RERG: variants seen among roughly 807,000 people sequenced by gnomAD.
The protein encoded by RERG is RAS like estrogen regulated growth inhibitor, also known as ras-related and estrogen-regulated growth inhibitor.
A neutral mutation model predicts 23.2 loss-of-function variants in RERG; 25 were observed. The observed-to-expected ratio is 1.08, with a 90% CI of 0.79 to 1.50. RERG has a LOEUF of 1.50. RERG is among the 40% of genes most tolerant of loss of function. RERG has a pLI of 0.00. For missense variants in RERG, 253 were observed against 250.1 expected (o/e 1.01, Z -0.08); for synonymous variants, 81 against 89.1 (o/e 0.91, Z 0.51).
chr12:15,157,381 A>G (rs1864537923), intron 2 of RERG, among the ~76,000 whole-genome samples: 1 of 152,230 alleles, frequency 6.6e-6, no homozygotes, highest in African/African-American at 2.4e-5. Context: ...AAATGTCAAG[A>G]GGGACGTGCA....
rs1864741051 is a variant in RERG at position 15,169,323 on chromosome 12, A to C, written c.61+48106T>G. On this transcript the variant is annotated intron_variant, in intron 2 of 4. Coordinates refer to ENST00000256953, the MANE Select transcript of RERG (RefSeq NM_032918.3). Reference sequence around the variant, plus strand: ...GGTGTGTCTGTGAGGCTGTTTCCAGAGAGATTAGCATTTGAATTGATAGAC... The same window carrying C: ...GGTGTGTCTGTGAGGCTGTTTCCAGCGAGATTAGCATTTGAATTGATAGAC... Among the ~76,000 whole-genome samples, 3 of 152,182 alleles carry C rather than the reference A, an allele frequency of 2.0e-5. No homozygotes were observed. The South Asian group carries it at 6.2e-4, about 31-fold the overall frequency.
At chr12:15,161,170 G>GAAAGAAAGAAAGAA (rs1477069856) in intron 2 of RERG, among the ~76,000 whole-genome samples, 1 of 133,060 alleles carries the variant, frequency 7.5e-6, no homozygotes. Flanking sequence ...AAGAAAGAAA[G>GAAAGAAAGAAAGAA]AAAGAAAGAA....
intron 2 of RERG, among the ~76,000 whole-genome samples, chr12:15,202,378 G>T (rs1257463271): frequency 6.6e-6 from 1 of 151,716 alleles, no homozygotes; most frequent in Admixed American, 6.6e-5. Flanking sequence ...GCACTTTGTT[G>T]TAAAGCAGAT....
chr12:15,191,941 G>C (rs1358925488), intron 2 of RERG, among the ~76,000 whole-genome samples: 1 of 152,086 alleles, frequency 6.6e-6, no homozygotes, highest in Non-Finnish European at 1.5e-5. Flanking sequence ...TGATTGCTGA[G>C]CTGCTGTTGA....
chr12:15,179,644 C>A (rs1303324838), intron 2 of RERG, among the ~76,000 whole-genome samples: 2 of 152,152 alleles, frequency 1.3e-5, no homozygotes, highest in African/African-American at 4.8e-5. Context: ...CATGTAACAT[C>A]TAAAAATATA....
intron 2 of RERG, among the ~76,000 whole-genome samples, chr12:15,138,946 G>A (rs563449433): frequency 7.1e-6 from 1 of 141,306 alleles, no homozygotes; most frequent in Non-Finnish European, 1.5e-5. Flanking sequence ...TTACAGTTTT[G>A]CATTTTACAT....
chr12:15,119,842 T>A (rs1863799325), intron 3 of RERG, among the ~76,000 whole-genome samples: 1 of 152,220 alleles, frequency 6.6e-6, no homozygotes, highest in South Asian at 2.1e-4. Flanking sequence ...GTCATATTAT[T>A]ACAGAGTTTC....
Position 15,196,519 on chromosome 12 carries a change from G to A in RERG, c.61+20910C>T, listed in dbSNP as rs1367907434. 1.3e-5 allele frequency among the ~76,000 whole-genome samples: 2 copies of A among 152,092 alleles called. 1 individual carries two copies. Among genetic ancestry groups the A allele is most frequent in the Non-Finnish European group, 2.9e-5 (2 of 68,002 alleles). ...CAACCGTGTTCAACGTCTAAGCCCT[G>A]GTATGAAGGTCAATCAGGTCCTCAG... On this transcript the variant is annotated intron_variant, in intron 2 of 4. Transcript: ENST00000256953.
intron 2 of RERG, among the ~76,000 whole-genome samples, chr12:15,132,368 G>T (rs1402804779): frequency 6.6e-6 from 1 of 152,122 alleles, no homozygotes; most frequent in Non-Finnish European, 1.5e-5. Flanking sequence ...CCATTGCCTG[G>T]ATTGATCACT....
intron 2 of RERG, among the ~76,000 whole-genome samples, chr12:15,165,298 C>T (rs1408139805): frequency 2.0e-5 from 3 of 152,092 alleles, no homozygotes; most frequent in South Asian, 2.1e-4. Context: ...ACTCATGTAC[C>T]AAACACTTCT....
chr12:15,122,696 A>G (rs1177631436), intron 2 of RERG, among the ~76,000 whole-genome samples: 1 of 151,970 alleles, frequency 6.6e-6, no homozygotes, highest in East Asian at 1.9e-4. Context: ...AGCAGTAAAC[A>G]TATTTTTTCT....
At chr12:15,178,634 G>C (rs926949356) in intron 2 of RERG, among the ~76,000 whole-genome samples, 5 of 152,094 alleles carry the variant, frequency 3.3e-5, no homozygotes, top group Admixed American at 6.6e-5. Context: ...TTCCTCATCT[G>C]TAAAATACGG....
In RERG at chr12:15,217,543, C is replaced by A; in HGVS notation, c.-54G>T. The stretch of plus-strand genomic sequence containing the variant: ...GTTAAAACTAAAGCACTGAGTAAAT[C>A]TTTTTGGTTCCAGTCTTTGGATTCA... On this transcript the variant is annotated 5_prime_UTR_variant, in exon 2 of 5. Coordinates refer to ENST00000256953, the MANE Select transcript of RERG (RefSeq NM_032918.3). The A allele has an allele frequency of 7.9e-7, 1 of 1,267,184 alleles. No individual in the cohort carries two copies. The highest frequency in any genetic ancestry group is 1.2e-6 in the Non-Finnish European group (1 of 863,906). 78.5% of individuals were successfully genotyped at this position (1,267,184 alleles called of 1,614,324 possible).
intron 2 of RERG, among the ~76,000 whole-genome samples, chr12:15,210,933 C>T (rs188312414): frequency 6.1e-4 from 93 of 152,238 alleles, no homozygotes; most frequent in African/African-American, 2.2e-3. Context: ...AAACCACCTC[C>T]CTCCCTTTGG....
intron 3 of RERG, 110 bp downstream of exon 3, chr12:15,120,953 C>T: frequency 3.7e-6 from 3 of 804,150 alleles, no homozygotes; most frequent in Admixed American, 2.1e-5. Context: ...TTGAAAAGCA[C>T]TTCCACATCA....
chr12:15,170,345 G>C (rs1482897163), intron 2 of RERG, among the ~76,000 whole-genome samples: 1 of 152,078 alleles, frequency 6.6e-6, no homozygotes, highest in Non-Finnish European at 1.5e-5. Context: ...GGTGTGTGTA[G>C]GGGGAAGGGA....
At chr12:15,127,366 T>G (rs924593254) in intron 2 of RERG, among the ~76,000 whole-genome samples, 12 of 152,232 alleles carry the variant, frequency 7.9e-5, no homozygotes, top group African/African-American at 2.7e-4. Context: ...TGCTTGGGCC[T>G]GTACTCTAGT....
intron 3 of RERG, among the ~76,000 whole-genome samples, chr12:15,118,353 C>T (rs951237576): frequency 2.6e-5 from 4 of 152,106 alleles, no homozygotes; most frequent in African/African-American, 7.2e-5. Context: ...TTCAGCTTCT[C>T]GTGGAGTAAC....
intron 2 of RERG, among the ~76,000 whole-genome samples, chr12:15,192,574 A>G (rs186501784): frequency 5.9e-5 from 9 of 152,316 alleles, no homozygotes; most frequent in African/African-American, 2.2e-4. Context: ...CCAAAATGCA[A>G]TTATCAAGAC....
Sources: gnomAD v4.1 joint callset for allele counts (sites outside exome capture counted in the v4.1 genomes callset) on GRCh38, gnomAD v4.1.1 for gene constraint, MANE v1.5 for transcripts, NCBI Gene and HGNC (gene_info 2026-07-23, HGNC 2026-07-21) for gene names.